UGT1A6: variants seen among roughly 807,000 people sequenced by gnomAD.
UGT1A6 encodes the protein UDP glucuronosyltransferase family 1 member A6, also known as UDP-glucuronosyltransferase 1A6.
UGT1A6 carries 32 observed loss-of-function variants against 44.4 expected under a neutral mutation model. The observed-to-expected ratio is 0.72, with a 90% CI of 0.54 to 0.97. The LOEUF is 0.97. Among genes scored for constraint, UGT1A6 ranks in the 50% least tolerant of loss-of-function variants. The pLI is 0.00. For synonymous variants in UGT1A6, 238 were observed against 248.5 expected (o/e 0.96, Z 0.40); for missense variants, 685 against 661.9 (o/e 1.03, Z -0.38).
rs567256454 is a variant in UGT1A6 at position 233,740,487 on chromosome 2, A to G, written c.862-26547A>G. Among the ~76,000 whole-genome samples the G allele has an allele frequency of 3.4e-4, 52 of 152,072 alleles. 1 individual carries two copies. In the South Asian group the frequency reaches 4.6e-3, roughly 13 times the overall value. The stretch of plus-strand genomic sequence containing the variant: ...GACAGAAAGGATCATTCCCTCTTCC[A>G]GATGCTTTCCAGTGTGTGATGTAAG... On this transcript the variant is annotated intron_variant, in intron 1 of 4. Transcript: ENST00000305139.
At chr2:233,757,637 C>G (rs375047032) in intron 1 of UGT1A6, among the ~76,000 whole-genome samples, 3 of 148,590 alleles carry the variant, frequency 2.0e-5, no homozygotes, top group Non-Finnish European at 4.5e-5. Context: ...CAGAACAGAA[C>G]AAAATGCTGT....
intron 1 of UGT1A6, chr2:233,718,627 T>C (rs1335320809): frequency 1.1e-6 from 1 of 929,164 alleles, no homozygotes; most frequent in Non-Finnish European, 1.3e-6. Flanking sequence ...GTGATTGGTC[T>C]TTCCCAGGGT....
chr2:233,755,210 C>A, intron 1 of UGT1A6: 1 of 1,056,306 alleles, frequency 9.5e-7, no homozygotes, highest in Non-Finnish European at 1.4e-6. Flanking sequence ...GGTACGCCTT[C>A]TTGATACCCT....
At chr2:233,723,476 C>T (rs1238335619) in intron 1 of UGT1A6, among the ~76,000 whole-genome samples, 1 of 136,266 alleles carries the variant, frequency 7.3e-6, no homozygotes, top group African/African-American at 2.9e-5. Flanking sequence ...TCCCAAAGTG[C>T]TAGGATTCCA....
intron 1 of UGT1A6, among the ~76,000 whole-genome samples, chr2:233,734,753 G>A (rs1356285127): frequency 1.3e-5 from 2 of 152,142 alleles, no homozygotes; most frequent in Non-Finnish European, 2.9e-5. Flanking sequence ...CTTTATTTCT[G>A]CCTTCACTTC....
intron 1 of UGT1A6, among the ~76,000 whole-genome samples, chr2:233,757,587 A>G (rs1696672783): frequency 9.1e-6 from 1 of 109,366 alleles, no homozygotes; most frequent in Middle Eastern, 4.5e-3. Context: ...CTATAGTCTA[A>G]TAGCAAGGAC....
Position 233,769,857 on chromosome 2 carries a change from C to CTAA in UGT1A6, c.1301+1418_1301+1419insTAA. Reference sequence around the variant, plus strand: ...TGGGCAACAGAGTGAGACCCTGTCTCAAAAAAAAAAAAAAAAATGAAAAGT... The same window carrying CTAA: ...TGGGCAACAGAGTGAGACCCTGTCTCTAAAAAAAAAAAAAAAAAAATGAAAAGT... On this transcript the variant is annotated intron_variant, in intron 4 of 4. Coordinates refer to ENST00000305139, the MANE Select transcript of UGT1A6 (RefSeq NM_001072.4). This position sits in a 1 kb window ranked among gnomAD's most constrained non-coding sequence, Gnocchi z 4.4. 4.5e-6 allele frequency: 1 copy of CTAA among 223,668 alleles called. No homozygotes were observed. Among genetic ancestry groups the CTAA allele is most frequent in the Non-Finnish European group, 8.0e-6 (1 of 125,120 alleles). The allele number at this position is 223,668 out of a possible 1,614,324, so 13.9% of individuals were successfully genotyped here.
chr2:233,726,222 AT>A (rs1211816724), intron 1 of UGT1A6, among the ~76,000 whole-genome samples: 6 of 152,202 alleles, frequency 3.9e-5, no homozygotes, highest in Middle Eastern at 3.2e-3. Flanking sequence ...TTTAGAAAAC[AT>A]TTTTTAAAAC....
intron 1 of UGT1A6, among the ~76,000 whole-genome samples, chr2:233,756,947 C>T (rs1471730406): frequency 2.6e-5 from 4 of 152,070 alleles, no homozygotes; most frequent in East Asian, 1.9e-4. Context: ...ACCTGAAACC[C>T]GGACTTGGCA....
Position 233,772,257 on chromosome 2 carries a change from T to C in UGT1A6, c.1302-5T>C. ...CAGGCATAACGAAACTGTCTTTGTGTTTAGTTACAAGGAGAACATCATGCG... is the reference window on the plus strand; with the variant it reads ...CAGGCATAACGAAACTGTCTTTGTGCTTAGTTACAAGGAGAACATCATGCG... On this transcript the variant is annotated splice_polypyrimidine_tract_variant and splice_region_variant and intron_variant, in intron 4 of 4. Transcript: ENST00000305139. 2 of 1,614,220 alleles carry C rather than the reference T, an allele frequency of 1.2e-6. No individual in the cohort carries two copies. Among genetic ancestry groups the C allele is most frequent in the Non-Finnish European group, 1.7e-6 (2 of 1,180,042 alleles).
chr2:233,767,100 GTC>G lies in UGT1A6; in HGVS notation c.931_932del (p.Ser311ArgfsTer12). 6.2e-7 allele frequency: 1 copy of G among 1,614,092 alleles called. No homozygotes were observed. The highest frequency in any genetic ancestry group is 8.5e-7 in the Non-Finnish European group (1 of 1,180,010). The stretch of plus-strand genomic sequence containing the variant: ...TGTGGTTTTCTCTTTGGGATCAATG[GTC>G]TCAGAAATTCCAGAGAAGAAAGCTA... ...GIVVFSLGSMVSEIPEKKAMA... is the reference protein window; with the variant it reads ...GIVVFSLGSMXSEIPEKKAMA... On this transcript the variant is annotated frameshift_variant, in exon 2 of 5. Transcript: ENST00000305139. LOFTEE classifies it high-confidence loss of function.
intron 1 of UGT1A6, among the ~76,000 whole-genome samples, chr2:233,731,827 A>G (rs1471240623): frequency 6.6e-6 from 1 of 152,154 alleles, no homozygotes; most frequent in Admixed American, 6.5e-5. Flanking sequence ...GTCAAATGGT[A>G]TTTCTAGTTC....
intron 4 of UGT1A6, among the ~76,000 whole-genome samples, chr2:233,771,927 C>A (rs1388593829): frequency 6.6e-6 from 1 of 152,006 alleles, no homozygotes; most frequent in African/African-American, 2.4e-5. Context: ...ACAGCCTGGG[C>A]AACACAATAA....
intron 1 of UGT1A6, chr2:233,718,781 G>A (rs767988524): frequency 3.7e-6 from 6 of 1,612,904 alleles, no homozygotes; most frequent in Non-Finnish European, 4.2e-6. Flanking sequence ...AGCAGGCACA[G>A]CGTGGGGTGG....
Position 233,729,005 on chromosome 2 carries a change from CTG to C in UGT1A6, c.861+35142_861+35143del, listed in dbSNP as rs1444389059. ...TAATAATTAACTAGAGGAGGGCACT[CTG>C]TCTTCCAATTACACGTTGATTTGCT... On this transcript the variant is annotated intron_variant, in intron 1 of 4. Coordinates refer to ENST00000305139, the MANE Select transcript of UGT1A6 (RefSeq NM_001072.4). The C allele has an allele frequency of 3.2e-6, 5 of 1,574,922 alleles. No individual in the cohort carries two copies. In the East Asian group the frequency reaches 1.1e-4, roughly 36 times the overall value.
chr2:233,714,888 A>G (rs529971847), intron 1 of UGT1A6, among the ~76,000 whole-genome samples: 65 of 151,904 alleles, frequency 4.3e-4, no homozygotes, highest in Admixed American at 3.0e-3. Context: ...AAATTTTTCT[A>G]TCTTTTGAGA....
chr2:233,730,323 CA>C lies in UGT1A6; in HGVS notation c.861+36459del, dbSNP rs2078014801. Among the ~76,000 whole-genome samples the C allele has an allele frequency of 2.0e-5, 3 of 152,152 alleles. No homozygotes were observed. The South Asian group carries it at 6.2e-4, about 32-fold the overall frequency. ...TCCTTCAGCTTGGCAGGAACAGGGA[CA>C]CTACGTTTGGAACTGATCCATCCTG... On this transcript the variant is annotated intron_variant, in intron 1 of 4. Transcript: ENST00000305139.
intron 1 of UGT1A6, among the ~76,000 whole-genome samples, chr2:233,716,010 A>T (rs1320740182): frequency 6.6e-6 from 1 of 152,160 alleles, no homozygotes; most frequent in Non-Finnish European, 1.5e-5. Flanking sequence ...AATGACTTTA[A>T]TCTGATAGTT....
At chr2:233,729,199 T>G (rs767614546) in intron 1 of UGT1A6, 1 of 1,614,000 alleles carries the variant, frequency 6.2e-7, no homozygotes, top group Non-Finnish European at 8.5e-7. Context: ...TGTCCAGCCC[T>G]GGGCTGAGAG....
Sources: allele counts gnomAD v4.1 joint callset (sites outside exome capture counted in the v4.1 genomes callset), GRCh38; gene constraint gnomAD v4.1.1; non-coding constraint Gnocchi (gnomAD v3.1); transcripts MANE v1.5; gene names NCBI Gene and HGNC (gene_info 2026-07-23, HGNC 2026-07-21).